Variants in PRKCI observed in about 807,000 individuals in gnomAD.
The protein encoded by PRKCI is protein kinase C iota type.
A neutral mutation model predicts 84.0 loss-of-function variants in PRKCI; 43 were observed. The observed-to-expected ratio is 0.51, with a 90% CI of 0.40 to 0.66. The LOEUF is 0.66. Among genes scored for constraint, PRKCI ranks in the 30% least tolerant of loss-of-function variants. The pLI, the probability that PRKCI is intolerant of heterozygous loss-of-function variation, is 0.00. For synonymous variants in PRKCI, 216 were observed against 234.4 expected, an observed-to-expected ratio of 0.92 and a Z score of 0.72; for missense variants, 459 against 745.6, an observed-to-expected ratio of 0.62 and a Z score of 4.48.
Position 170,281,931 on chromosome 3 carries a change from A to T in PRKCI, c.1030A>T (p.Met344Leu). ...YVNGGDLMFHMQRQRKLPEEH... is the reference protein window; with the variant it reads ...YVNGGDLMFHLQRQRKLPEEH... ...AAATGGAGGAGACCTAATGTTTCAT[A>T]TGCAGCGACAAAGAAAACTTCCTGA... The change falls in exon 11 of 18, where the codon ATG (methionine) becomes TTG (leucine). Residue 344 changes from methionine to leucine, a missense_variant. Met to Leu is a conservative substitution (Grantham distance 15, BLOSUM62 2). Around this residue, in one of 2 missense-constraint regions of PRKCI, gnomAD observed 209 missense variants for 425.9 expected, o/e 0.49. Transcript: ENST00000295797. 6.2e-7 allele frequency: 1 copy of T among 1,611,924 alleles called. No homozygotes were observed. The highest frequency in any genetic ancestry group is 1.1e-5 in the South Asian group (1 of 90,660).
intron 15 of PRKCI, among the ~76,000 whole-genome samples, chr3:170,296,922 G>A (rs1397971437): frequency 6.6e-6 from 1 of 152,098 alleles, no homozygotes; most frequent in East Asian, 1.9e-4. Context: ...TGGGCATGGG[G>A]ATTTTAAATT....
chr3:170,222,691 A>G lies in PRKCI; in HGVS notation c.22A>G (p.Ser8Gly). ...GGAGATGCCGACCCAGAGGGACAGC[A>G]GCACCATGTCCCACACGGTCGCAGG... MPTQRDS[S>G]TMSHTVAGGG... The change falls in exon 1 of 18, where the codon AGC becomes GGC. Residue 8 changes from serine (S) to glycine (G), a missense_variant. Ser to Gly is a moderately conservative substitution (Grantham distance 56). This residue lies in a region of PRKCI where 250 missense variants were observed against 319.7 expected (regional missense o/e 0.78). Coordinates refer to ENST00000295797, the MANE Select transcript of PRKCI (RefSeq NM_002740.6). 1 of 1,606,796 alleles carries G rather than the reference A, an allele frequency of 6.2e-7. No homozygotes were observed. Among genetic ancestry groups the G allele is most frequent in the Non-Finnish European group, 8.5e-7 (1 of 1,177,546 alleles).
chr3:170,295,775 GTC>G, intron 14 of PRKCI, 134 bp from the exon 15 acceptor site: 1 of 413,186 alleles, frequency 2.4e-6, no homozygotes, highest in Non-Finnish European at 4.3e-6. Flanking sequence ...AGCCCGGGAG[GTC>G]AAAGCTGCAG....
chr3:170,274,445 T>C (rs982480508), intron 7 of PRKCI, among the ~76,000 whole-genome samples: 1 of 152,194 alleles, frequency 6.6e-6, no homozygotes, highest in Non-Finnish European at 1.5e-5. Context: ...AAGTGACTTG[T>C]TTTTATTAAA....
intron 1 of PRKCI, among the ~76,000 whole-genome samples, chr3:170,226,621 A>G (rs1732633584): frequency 6.6e-6 from 1 of 152,218 alleles, no homozygotes; most frequent in East Asian, 1.9e-4. Flanking sequence ...TAGAAATAAA[A>G]GATTAACTCT....
intron 8 of PRKCI, 82 bp from the exon 9 acceptor site, chr3:170,280,145 A>C: frequency 3.4e-6 from 4 of 1,190,632 alleles, no homozygotes; most frequent in Non-Finnish European, 4.6e-6. Context: ...TTAAATCGTT[A>C]TAGGTACAAC....
intron 9 of PRKCI, 47 bp from the exon 10 acceptor site, chr3:170,281,118 TA>T: frequency 6.8e-7 from 1 of 1,471,040 alleles, no homozygotes. Flanking sequence ...AATTTATCAT[TA>T]ATTGTGATAT....
In PRKCI at chr3:170,282,973, C is replaced by T. The variant is rs192722395; in HGVS notation, c.1067+1005C>T. 3.2e-3 allele frequency among the ~76,000 whole-genome samples: 483 copies of T among 151,752 alleles called. 3 individuals are homozygous for T. Among genetic ancestry groups the T allele is most frequent in the Non-Finnish European group, 5.8e-3 (391 of 67,948 alleles). On this transcript the variant is annotated intron_variant, in intron 11 of 17. Transcript: ENST00000295797. ...TATAAAAATTAGCCGGGCGTGGTGGCGGGCACCTGTGGTCCCAACTACTTG... is the reference window on the plus strand; with the variant it reads ...TATAAAAATTAGCCGGGCGTGGTGGTGGGCACCTGTGGTCCCAACTACTTG...
chr3:170,265,181 T>A (rs1211476454), intron 4 of PRKCI, among the ~76,000 whole-genome samples: 1 of 149,414 alleles, frequency 6.7e-6, no homozygotes, highest in Non-Finnish European at 1.5e-5. Flanking sequence ...AGAGCGAGAC[T>A]CTGTCTCAAA....
intron 8 of PRKCI, 46 bp from the exon 9 acceptor site, chr3:170,280,181 C>A: frequency 6.6e-7 from 1 of 1,514,100 alleles, no homozygotes; most frequent in Non-Finnish European, 9.0e-7. Context: ...TAATGTACTA[C>A]GCAAAGCATT....
intron 1 of PRKCI, 105 bp from the exon 2 acceptor site, chr3:170,235,125 A>G: frequency 8.4e-7 from 1 of 1,185,858 alleles, no homozygotes; most frequent in Non-Finnish European, 1.2e-6. Context: ...ATGTTGATGC[A>G]CACACAAAAT....
At chr3:170,286,310 T>C (rs999224247) in intron 12 of PRKCI, among the ~76,000 whole-genome samples, 1 of 152,154 alleles carries the variant, frequency 6.6e-6, no homozygotes, top group African/African-American at 2.4e-5. Context: ...CTATCACTTA[T>C]ATTTGTGGTA....
At chr3:170,248,456 A>G (rs1025582614) in intron 2 of PRKCI, among the ~76,000 whole-genome samples, 3 of 152,184 alleles carry the variant, frequency 2.0e-5, no homozygotes, top group African/African-American at 4.8e-5. Flanking sequence ...CTCTGGATGT[A>G]TTCCTGCTCT....
At position 170,291,808 on chromosome 3, in the gene PRKCI, CAG is replaced by C. The variant is rs759620533; in HGVS notation, c.1204-44_1204-43del. ...TGAAATAGAAAGGGTGAATTTAAAA[CAG>C]AACTTTTTATCTCATTCTTTCTTTC... On this transcript the variant is annotated intron_variant, in intron 12 of 17. Coordinates refer to ENST00000295797, the MANE Select transcript of PRKCI (RefSeq NM_002740.6). 2.0e-6 allele frequency: 3 copies of C among 1,468,098 alleles called. No homozygotes were observed. The East Asian group carries it at 6.8e-5, about 33-fold the overall frequency. The allele number at this position is 1,468,098 out of a possible 1,614,324, so 90.9% of individuals were successfully genotyped here.
intron 1 of PRKCI, among the ~76,000 whole-genome samples, chr3:170,233,705 C>G (rs948725829): frequency 1.3e-5 from 2 of 152,090 alleles, no homozygotes; most frequent in African/African-American, 4.8e-5. Flanking sequence ...CATTGAGTCT[C>G]TGATGGGTAT....
intron 6 of PRKCI, 98 bp downstream of exon 6, chr3:170,270,659 C>T (rs1733980650): frequency 7.3e-5 from 99 of 1,352,560 alleles, no homozygotes; most frequent in Non-Finnish European, 9.4e-5. Context: ...TCAGGAATTA[C>T]AGCACAACAG....
intron 3 of PRKCI, among the ~76,000 whole-genome samples, chr3:170,262,330 C>T (rs555783482): frequency 2.6e-5 from 4 of 152,088 alleles, no homozygotes; most frequent in Admixed American, 6.5e-5. Flanking sequence ...AATTTTCATC[C>T]TTCATTGTGA....
At chr3:170,233,871 C>T (rs1048922451) in intron 1 of PRKCI, among the ~76,000 whole-genome samples, 2 of 151,912 alleles carry the variant, frequency 1.3e-5, no homozygotes, top group South Asian at 4.2e-4. Flanking sequence ...TAGGCACCCA[C>T]CACCATGCCT....
At chr3:170,260,211 G>A (rs371941344) in intron 3 of PRKCI, among the ~76,000 whole-genome samples, 153 bp downstream of exon 3, 16 of 152,200 alleles carry the variant, frequency 1.1e-4, no homozygotes, top group African/African-American at 3.4e-4. Flanking sequence ...AGTTTCTCAC[G>A]TGCTACAGAA....
Sources: allele counts gnomAD v4.1 joint callset (sites outside exome capture counted in the v4.1 genomes callset), GRCh38; gene constraint gnomAD v4.1.1; regional missense constraint gnomAD v4.1.1; transcripts MANE v1.5; gene names NCBI Gene and HGNC (gene_info 2026-07-23, HGNC 2026-07-21).